C1orf185: variants seen among roughly 807,000 people sequenced by gnomAD.
The protein encoded by C1orf185 is chromosome 1 open reading frame 185, also known as uncharacterized protein C1orf185.
A neutral mutation model predicts 16.1 loss-of-function variants in C1orf185; 13 were observed. The ratio of observed to expected loss-of-function variants is 0.81; its 90% CI spans 0.53 to 1.28. The LOEUF is 1.28. Among genes scored for constraint, C1orf185 ranks in the 50% most tolerant of loss-of-function variants. The probability of loss-of-function intolerance (pLI) is 0.00; values close to 1 mark genes in which losing one functional copy is unlikely to be tolerated. For synonymous variants in C1orf185, 80 were observed against 76.9 expected, an observed-to-expected ratio of 1.04 and a Z score of -0.21; for missense variants, 220 against 225.2, an observed-to-expected ratio of 0.98 and a Z score of 0.15.
downstream of C1orf185, among the ~76,000 whole-genome samples, chr1:51,150,747 T>C (rs1028409503): frequency 3.9e-5 from 6 of 152,222 alleles, no homozygotes; most frequent in African/African-American, 1.2e-4. Context: ...TTATTGTTCA[T>C]AGCAATAACA....
intron 3 of C1orf185, among the ~76,000 whole-genome samples, chr1:51,133,397 T>C (rs1263846844): frequency 6.6e-6 from 1 of 150,846 alleles, no homozygotes; most frequent in Non-Finnish European, 1.5e-5. Flanking sequence ...AAAGCAGGAG[T>C]TGCAATCATA....
At position 51,120,738 on chromosome 1, in the gene C1orf185, A is replaced by G. The variant is rs576625192; in HGVS notation, c.258+1937A>G. 4.3e-3 allele frequency among the ~76,000 whole-genome samples: 651 copies of G among 152,350 alleles called. 3 individuals carry two copies. Among genetic ancestry groups the G allele is most frequent in the Non-Finnish European group, 7.7e-3 (527 of 68,032 alleles). ...ATAATACCATCATACTTAACGATGT[A>G]TAGACACTAATAGACAATTACAAAA... On this transcript the variant is annotated intron_variant, in intron 3 of 4. Transcript: ENST00000371759.
chr1:51,134,708 G>A (rs901652028), intron 3 of C1orf185, among the ~76,000 whole-genome samples: 2 of 152,128 alleles, frequency 1.3e-5, no homozygotes, highest in Non-Finnish European at 2.9e-5. Context: ...AACCATCAGA[G>A]AATATTATGG....
rs145028906 is a variant in C1orf185 at position 51,115,117 on chromosome 1, G to T, written c.122+2548G>T. Among the ~76,000 whole-genome samples the T allele has an allele frequency of 7.6e-3, 1,161 of 152,220 alleles. 14 individuals are homozygous for T. The highest frequency in any genetic ancestry group is 0.027 in the African/African-American group (1,112 of 41,512). ...CCCAACACTTTGGGAGGCTGAGGCG[G>T]GCAGATCTCTTGAGGTCAGGAGTTG... On this transcript the variant is annotated intron_variant, in intron 2 of 4. Transcript: ENST00000371759.
At chr1:51,131,836 G>A (rs1307062254) in intron 3 of C1orf185, among the ~76,000 whole-genome samples, 2 of 152,218 alleles carry the variant, frequency 1.3e-5, no homozygotes, top group East Asian at 3.9e-4. Flanking sequence ...ACTACTAAAT[G>A]CTTTGGCTGA....
intron 3 of C1orf185, among the ~76,000 whole-genome samples, chr1:51,135,530 A>G (rs1459623593): frequency 6.6e-6 from 1 of 152,176 alleles, no homozygotes; most frequent in Non-Finnish European, 1.5e-5. Context: ...CAAGAGTGAA[A>G]CTCTGTCAAA....
intron 3 of C1orf185, among the ~76,000 whole-genome samples, chr1:51,127,956 C>T (rs1399510641): frequency 6.9e-6 from 1 of 144,940 alleles, no homozygotes; most frequent in African/African-American, 2.6e-5. Context: ...TGCGTGATCT[C>T]AGCTCACTGC....
At chr1:51,125,717 C>A (rs1279367215) in intron 3 of C1orf185, among the ~76,000 whole-genome samples, 1 of 152,156 alleles carries the variant, frequency 6.6e-6, no homozygotes, top group African/African-American at 2.4e-5. Flanking sequence ...GAAGGCAATG[C>A]TCAAATATGT....
chr1:51,133,197 C>T (rs892669088), intron 3 of C1orf185, among the ~76,000 whole-genome samples: 1 of 152,072 alleles, frequency 6.6e-6, no homozygotes, highest in Non-Finnish European at 1.5e-5. Context: ...AGGATCAAAT[C>T]CACACATATC....
chr1:51,104,828 A>G (rs1646057045), intron 1 of C1orf185, among the ~76,000 whole-genome samples: 1 of 152,172 alleles, frequency 6.6e-6, no homozygotes, highest in Non-Finnish European at 1.5e-5. Context: ...CATTGGGCCA[A>G]ACTGCCTCTG....
chr1:51,117,604 A>G (rs1298356943), intron 2 of C1orf185, among the ~76,000 whole-genome samples: 1 of 152,162 alleles, frequency 6.6e-6, no homozygotes, highest in African/African-American at 2.4e-5. Context: ...AGTTGGAATC[A>G]TATAGTATGT....
At chr1:51,130,339 G>C (rs1557649657) in intron 3 of C1orf185, among the ~76,000 whole-genome samples, 1 of 149,672 alleles carries the variant, frequency 6.7e-6, no homozygotes, top group Admixed American at 6.6e-5. Flanking sequence ...GAGAGATCCA[G>C]TTTCTTTCTT....
Position 51,132,085 on chromosome 1 carries a change from G to A in C1orf185, c.258+13284G>A, listed in dbSNP as rs151045359. Reference sequence around the variant, plus strand: ...TAAAACCCTCAAGGTCATAAAATAGGTGAAAAGGAAAAAGAAAACATCCAA... The same window carrying A: ...TAAAACCCTCAAGGTCATAAAATAGATGAAAAGGAAAAAGAAAACATCCAA... On this transcript the variant is annotated intron_variant, in intron 3 of 4. Transcript: ENST00000371759. 3.6e-3 allele frequency among the ~76,000 whole-genome samples: 545 copies of A among 152,226 alleles called. 1 individual carries two copies. Among genetic ancestry groups the A allele is most frequent in the Non-Finnish European group, 4.4e-3 (300 of 68,016 alleles).
chr1:51,137,944 C>T (rs1415906252), intron 3 of C1orf185, among the ~76,000 whole-genome samples: 7 of 152,246 alleles, frequency 4.6e-5, no homozygotes, highest in Admixed American at 2.6e-4. Flanking sequence ...AGCAAACTAA[C>T]ACAGGAACAG....
intron 3 of C1orf185, among the ~76,000 whole-genome samples, chr1:51,139,535 T>C (rs1646349841): frequency 1.3e-5 from 2 of 152,164 alleles, no homozygotes; most frequent in South Asian, 4.1e-4. Flanking sequence ...TAAAACTATT[T>C]GTTTTTTGAA....
Position 51,145,780 on chromosome 1 carries a change from T to C in C1orf185, c.295+20T>C. ...TAAAAGGTATTTTTTCTCAATAATTTATTAGAAGAAATCTTAATGAACTTT... is the reference window on the plus strand; with the variant it reads ...TAAAAGGTATTTTTTCTCAATAATTCATTAGAAGAAATCTTAATGAACTTT... On this transcript the variant is annotated intron_variant, in intron 4 of 4. Transcript: ENST00000371759. 8.0e-7 allele frequency: 1 copy of C among 1,248,176 alleles called. No individual in the cohort carries two copies. The highest frequency in any genetic ancestry group is 1.1e-6 in the Non-Finnish European group (1 of 913,352). The allele number at this position is 1,248,176 out of a possible 1,614,324, so 77.3% of individuals were successfully genotyped here.
intron 3 of C1orf185, among the ~76,000 whole-genome samples, chr1:51,124,081 G>GTTTTTT (rs893846873): frequency 6.2e-5 from 7 of 113,586 alleles, no homozygotes; most frequent in Non-Finnish European, 9.3e-5. Context: ...ACTGTAGTTT[G>GTTTTTT]TTTTTTTTTT....
At chr1:51,139,074 A>T (rs1013716980) in intron 3 of C1orf185, among the ~76,000 whole-genome samples, 2 of 152,044 alleles carry the variant, frequency 1.3e-5, no homozygotes, top group African/African-American at 4.8e-5. Context: ...GAATGAAATC[A>T]GCCTCAAATT....
At chr1:51,145,562 T>A (rs1215940873) in intron 3 of C1orf185, among the ~76,000 whole-genome samples, 162 bp from the exon 4 acceptor site, 1 of 152,146 alleles carries the variant, frequency 6.6e-6, no homozygotes, top group Non-Finnish European at 1.5e-5. Flanking sequence ...CTTTTTCTTT[T>A]CTGTCAATAT....
Sources: allele counts gnomAD v4.1 joint callset (sites outside exome capture counted in the v4.1 genomes callset), GRCh38; gene constraint gnomAD v4.1.1; transcripts MANE v1.5; gene names NCBI Gene and HGNC (gene_info 2026-07-23, HGNC 2026-07-21).